DNAI1: variants seen among roughly 807,000 people sequenced by gnomAD.
The protein encoded by DNAI1 is dynein, axonemal, intermediate polypeptide 1.
Under a neutral mutation model 92.0 loss-of-function variants are expected in DNAI1, and 67 were observed. The observed-to-expected ratio is 0.73, with a 90% confidence interval of 0.60 to 0.89. DNAI1 has a LOEUF of 0.89. DNAI1 is among the 40% of genes least tolerant of loss of function. The pLI is 0.00. For synonymous variants in DNAI1, 323 were observed against 319.6 expected (o/e 1.01, Z -0.11); for missense variants, 839 against 866.6 (o/e 0.97, Z 0.40).
chr9:34,465,680 A>AAT (rs1235982625), intron 1 of DNAI1, among the ~76,000 whole-genome samples: 3 of 152,202 alleles, frequency 2.0e-5, no homozygotes, highest in African/African-American at 7.2e-5. Flanking sequence ...CAGGTACTCA[A>AAT]ATAATAATGG....
chr9:34,512,515 G>A, intron 15 of DNAI1, 91 bp downstream of exon 15: 1 of 1,244,382 alleles, frequency 8.0e-7, no homozygotes, highest in Non-Finnish European at 1.2e-6. Flanking sequence ...CTGACTGAGT[G>A]CTCCCTCCCC....
intron 10 of DNAI1, 95 bp downstream of exon 10, chr9:34,497,294 T>A: frequency 1.1e-6 from 1 of 930,286 alleles, no homozygotes; most frequent in Non-Finnish European, 1.8e-6. Context: ...CTAGCTCCTA[T>A]AGGTGCAAGC....
rs557364251 is a variant in DNAI1 at position 34,497,825 on chromosome 9, A to G, written c.901+626A>G. ...TGTTCTGGACAGGGATGGCATGAGC[A>G]GTGTCTTGGCAGTGAAACCGAATAG... On this transcript the variant is annotated intron_variant, in intron 10 of 19. Coordinates refer to ENST00000242317, the MANE Select transcript of DNAI1 (RefSeq NM_012144.4). Among the ~76,000 whole-genome samples the G allele has an allele frequency of 2.0e-5, 3 of 152,168 alleles. No individual in the cohort carries two copies. In the South Asian group the frequency reaches 6.2e-4, roughly 32 times the overall value.
At chr9:34,468,707 G>GAGGC (rs1824085265) in intron 1 of DNAI1, among the ~76,000 whole-genome samples, 1 of 151,806 alleles carries the variant, frequency 6.6e-6, no homozygotes, top group African/African-American at 2.4e-5. Context: ...TGCCCCTGTG[G>GAGGC]TCCCTCTATG....
At chr9:34,489,860 AG>A (rs1824549579) in intron 5 of DNAI1, 151 bp from the exon 6 acceptor site, 2 of 1,152,172 alleles carry the variant, frequency 1.7e-6, no homozygotes, top group Non-Finnish European at 2.4e-6. Flanking sequence ...CAAAAAAAAA[AG>A]CCCAATAGCT....
chr9:34,474,818 C>T (rs563033636), intron 1 of DNAI1, among the ~76,000 whole-genome samples: 6 of 152,110 alleles, frequency 3.9e-5, no homozygotes, highest in Middle Eastern at 3.4e-3. Context: ...CTGCCCGCCT[C>T]GGCCTCCCAA....
In DNAI1 at chr9:34,514,640, G is replaced by T. The variant is rs1825138639; in HGVS notation, c.1719G>T (p.Lys573Asn). ...WTVKIWDHTI[K>N]TPMFIYDLNS... is the part of the protein sequence containing the mutation. ...GGCTTTCCACCCTCCACCTCTGCAG[G>T]ACCCCGATGTTCATCTATGACCTGA... The change falls in exon 18 of 20, where the codon AAG (lysine) becomes AAT (asparagine). Residue 573 changes from lysine to asparagine, a missense_variant and splice_region_variant. Transcript: ENST00000242317. 1.2e-6 allele frequency: 2 copies of T among 1,614,186 alleles called. No individual in the cohort carries two copies. The highest frequency in any genetic ancestry group is 1.7e-6 in the Non-Finnish European group (2 of 1,180,038).
chr9:34,459,421 T>C (rs907412117), intron 1 of DNAI1, among the ~76,000 whole-genome samples: 9 of 151,838 alleles, frequency 5.9e-5, no homozygotes, highest in African/African-American at 2.2e-4. Flanking sequence ...CCCAAAGGAA[T>C]TTTTCTTTTT....
Position 34,513,207 on chromosome 9 carries a change from G to A in DNAI1, c.1569+16G>A, listed in dbSNP as rs758538926. 1.4e-5 allele frequency: 22 copies of A among 1,609,386 alleles called. 1 individual carries two copies. The highest frequency in any genetic ancestry group is 3.3e-4 in the Middle Eastern group (2 of 6,056). On this transcript the variant is annotated intron_variant, in intron 16 of 19. Coordinates refer to ENST00000242317, the MANE Select transcript of DNAI1 (RefSeq NM_012144.4). ...AATCTACAAGGTGAGGCTGCCCTGT[G>A]CCAGCTCCTTAGAAGGCCGCTTAGA...
chr9:34,463,055 C>T (rs1823977893), intron 1 of DNAI1, among the ~76,000 whole-genome samples: 6 of 151,980 alleles, frequency 3.9e-5, no homozygotes. Flanking sequence ...CAGGGAATCA[C>T]AAGATTATCA....
intron 1 of DNAI1, among the ~76,000 whole-genome samples, chr9:34,473,560 G>A (rs569309243): frequency 3.0e-4 from 45 of 152,254 alleles, no homozygotes; most frequent in African/African-American, 9.1e-4. Flanking sequence ...CCAAAGTGCC[G>A]GGATTACAGG....
chr9:34,467,715 G>A (rs1395981970), intron 1 of DNAI1, among the ~76,000 whole-genome samples: 1 of 149,962 alleles, frequency 6.7e-6, no homozygotes, highest in African/African-American at 2.5e-5. Context: ...TGGCCATGGT[G>A]CAGAAATCTA....
chr9:34,517,175 T>C (rs1284073161), intron 18 of DNAI1, 110 bp from the exon 19 acceptor site: 1 of 1,198,468 alleles, frequency 8.3e-7, no homozygotes, highest in Non-Finnish European at 1.2e-6. Flanking sequence ...TCCAGTGTGC[T>C]AGCCATTAGC....
intron 11 of DNAI1, 111 bp from the exon 12 acceptor site, chr9:34,501,027 G>T: frequency 9.5e-7 from 1 of 1,047,694 alleles, no homozygotes; most frequent in Non-Finnish European, 1.5e-6. Flanking sequence ...GCCTAAGCTG[G>T]AGAACAGATG....
intron 1 of DNAI1, among the ~76,000 whole-genome samples, chr9:34,477,221 G>A (rs780868448): frequency 2.6e-5 from 4 of 152,086 alleles, no homozygotes; most frequent in Admixed American, 2.0e-4. Flanking sequence ...GTGTGGCTTC[G>A]TTGCCCAGGC....
Position 34,514,874 on chromosome 9 carries a change from C to T in DNAI1, c.1818+135C>T, listed in dbSNP as rs527364708. ...GCGGGACATAAGGACTGTGTATTTT[C>T]CAGGGGCAAGCCATCCAGGGTCCAG... On this transcript the variant is annotated intron_variant, in intron 18 of 19. Transcript: ENST00000242317. 74 of 986,622 alleles carry T rather than the reference C, an allele frequency of 7.5e-5. No homozygotes were observed. In the Middle Eastern group the frequency reaches 8.4e-4, roughly 11 times the overall value. 61.1% of individuals were successfully genotyped at this position (986,622 alleles called of 1,614,324 possible).
Position 34,490,110 on chromosome 9 carries a change from G to C in DNAI1, c.487G>C (p.Val163Leu), listed in dbSNP as rs1475654201. ...LETEPGSQTD[V>L]PAAGAAEKVT... ...AACTGAGCCTGGGAGTCAAACAGAT[G>C]TGCCTGCAGCTGGGGTACAGTATAA... Residue 163 changes from valine to leucine, a missense_variant, in exon 6 of 20, where the codon GTG (valine) becomes CTG (leucine). Transcript: ENST00000242317. 2.5e-6 allele frequency: 4 copies of C among 1,613,986 alleles called. No homozygotes were observed. In the African/African-American group the frequency reaches 5.3e-5, roughly 22 times the overall value.
At chr9:34,490,778 G>A (rs1417259628) in intron 7 of DNAI1, among the ~76,000 whole-genome samples, 2 of 152,182 alleles carry the variant, frequency 1.3e-5, no homozygotes, top group African/African-American at 4.8e-5. Context: ...ACTTGGGAGG[G>A]GAGGGGAGGC....
intron 11 of DNAI1, 82 bp from the exon 12 acceptor site, chr9:34,501,056 A>G (rs1824822401): frequency 1.3e-5 from 15 of 1,196,716 alleles, no homozygotes; most frequent in Non-Finnish European, 1.9e-5. Context: ...ATATTTAGGC[A>G]CCAGTGCCAA....
Sources: gnomAD v4.1 joint callset for allele counts (sites outside exome capture counted in the v4.1 genomes callset) on GRCh38, gnomAD v4.1.1 for gene constraint, MANE v1.5 for transcripts, NCBI Gene and HGNC (gene_info 2026-07-23, HGNC 2026-07-21) for gene names.